RPS6KA3: variants seen among roughly 807,000 people sequenced by gnomAD.
The protein encoded by RPS6KA3 is ribosomal protein S6 kinase A3.
In RPS6KA3, 4 loss-of-function variants were observed where a neutral mutation model predicts 67.2. The observed-to-expected ratio is 0.06, with a 90% CI of 0.03 to 0.14. The LOEUF is 0.14. Ranked by LOEUF, RPS6KA3 falls within the 10% of genes least tolerant of loss-of-function variation. RPS6KA3 has a pLI of 1.00. For missense variants in RPS6KA3, 204 were observed against 559.0 expected (o/e 0.36, Z 6.40); for synonymous variants, 182 against 183.7 (o/e 0.99, Z 0.07).
Position 20,155,330 on chromosome X carries a change from T to C in RPS6KA3, c.*68A>G. Reference sequence around the variant, plus strand: ...TGCTTGCAGGTGTCTCTCAGATACGTGCTACCTGTCGCCAGAACTTGTGCT... The same window carrying C: ...TGCTTGCAGGTGTCTCTCAGATACGCGCTACCTGTCGCCAGAACTTGTGCT... On this transcript the variant is annotated 3_prime_UTR_variant, in exon 22 of 22. Transcript: ENST00000379565. 2.6e-6 allele frequency: 3 copies of C among 1,166,164 alleles called. No homozygotes were observed. The highest frequency in any genetic ancestry group is 3.5e-6 in the Non-Finnish European group (3 of 854,528).
Position 20,173,001 on chromosome X carries a change from T to C in RPS6KA3, c.1228-130A>G, listed in dbSNP as rs1480129937. 4 of 521,968 alleles carry C rather than the reference T, an allele frequency of 7.7e-6. No individual in the cohort carries two copies. The South Asian group carries it at 1.0e-4, about 13-fold the overall frequency. The allele number at this position is 521,968 out of a possible 1,213,427, so 43.0% of individuals were successfully genotyped here. On this transcript the variant is annotated intron_variant, in intron 14 of 21. Coordinates refer to ENST00000379565, the MANE Select transcript of RPS6KA3 (RefSeq NM_004586.3). ...ATGAATAAGAATAAAAATACATCTT[T>C]ATAGTACTTATTATTCTACAAACAA...
At chrX:20,193,627 TTC>T (rs750272858) in intron 6 of RPS6KA3, 34 bp from the exon 7 acceptor site, 2 of 931,299 alleles carry the variant, frequency 2.1e-6, no homozygotes, top group Non-Finnish European at 3.0e-6. Flanking sequence ...TAAATTTATT[TTC>T]TTTTTGTGTC....
At position 20,184,572 on chromosome X, in the gene RPS6KA3, ATTTT is replaced by A. The variant is rs1314648654; in HGVS notation, c.845+1720_845+1723del. 2.8e-5 allele frequency among the ~76,000 whole-genome samples: 3 copies of A among 106,625 alleles called. No individual in the cohort carries two copies. The East Asian group carries it at 8.9e-4, about 32-fold the overall frequency. 92.6% of individuals were successfully genotyped at this position (106,625 alleles called of 115,157 possible). A position where few individuals can be genotyped will look rare whatever the true frequency, so the allele number is the denominator to read the frequency against. On this transcript the variant is annotated intron_variant, in intron 10 of 21. Transcript: ENST00000379565. Reference sequence around the variant, plus strand: ...TGGCACGTGCCACCACATCTGGCTAATTTTTTTATCTTTTATTTTTGTAGAGATG... The same window carrying A: ...TGGCACGTGCCACCACATCTGGCTAATTTATCTTTTATTTTTGTAGAGATG...
rs192704561 is a variant in RPS6KA3 at position 20,225,205 on chromosome X, A to G, written c.126+9553T>C. ...TGGGTCAGAGGCACCATAGGAGGGA[A>G]GGTAAGCCATGATAAAAAGGGGAGG... On this transcript the variant is annotated intron_variant, in intron 2 of 21. Coordinates refer to ENST00000379565, the MANE Select transcript of RPS6KA3 (RefSeq NM_004586.3). Among the ~76,000 whole-genome samples, 98 of 106,888 alleles carry G rather than the reference A, an allele frequency of 9.2e-4. 2 individuals are homozygous for G. Among genetic ancestry groups the G allele is most frequent in the Admixed American group, 4.6e-3 (46 of 10,019 alleles). The allele number at this position is 106,888 out of a possible 115,157, so 92.8% of individuals were successfully genotyped here.
intron 1 of RPS6KA3, among the ~76,000 whole-genome samples, chrX:20,248,052 A>G (rs2069749542): frequency 9.0e-6 from 1 of 111,381 alleles, no homozygotes; most frequent in Non-Finnish European, 1.9e-5. Flanking sequence ...ATTATGAATG[A>G]GATCTTTTTT....
intron 1 of RPS6KA3, among the ~76,000 whole-genome samples, chrX:20,265,328 C>A (rs923438674): frequency 8.9e-6 from 1 of 111,771 alleles, no homozygotes; most frequent in Non-Finnish European, 1.9e-5. Context: ...TGTCCCGCAT[C>A]TCAAGATTAA....
intron 2 of RPS6KA3, among the ~76,000 whole-genome samples, chrX:20,223,726 G>A (rs1268742066): frequency 9.0e-6 from 1 of 111,730 alleles, no homozygotes; most frequent in Non-Finnish European, 1.9e-5. Flanking sequence ...TTATTTTGAA[G>A]CAAATCTCAG....
At chrX:20,267,032 G>A, upstream of RPS6KA3, 1 of 754,020 alleles carries the variant, frequency 1.3e-6, no homozygotes, top group Non-Finnish European at 1.6e-6. Flanking sequence ...TGGCGCCTAA[G>A]CGATACCTGT....
intron 1 of RPS6KA3, among the ~76,000 whole-genome samples, chrX:20,239,093 C>A (rs1245755684): frequency 9.0e-6 from 1 of 111,217 alleles, no homozygotes; most frequent in African/African-American, 3.3e-5. Flanking sequence ...CACATTTAAA[C>A]CCCAATTCTG....
chrX:20,234,157 A>T lies in RPS6KA3; in HGVS notation c.126+601T>A, dbSNP rs190535291. Among the ~76,000 whole-genome samples, 181 of 112,592 alleles carry T rather than the reference A, an allele frequency of 1.6e-3. 1 individual carries two copies. The highest frequency in any genetic ancestry group is 9.2e-3 in the Middle Eastern group (2 of 218). The stretch of plus-strand genomic sequence containing the variant: ...TTTTGTCTTTAACAAATTTACGTTC[A>T]ATTTGGTTATTTAAAAACATAAGCT... On this transcript the variant is annotated intron_variant, in intron 2 of 21. Transcript: ENST00000379565.
At chrX:20,253,015 C>G (rs1460799387) in intron 1 of RPS6KA3, among the ~76,000 whole-genome samples, 1 of 110,849 alleles carries the variant, frequency 9.0e-6, no homozygotes, top group Non-Finnish European at 1.9e-5. Context: ...GCTACTAGAC[C>G]CCACTGCTGC....
chrX:20,256,838 T>TTATA (rs930058677), intron 1 of RPS6KA3, among the ~76,000 whole-genome samples: 2 of 111,855 alleles, frequency 1.8e-5, no homozygotes, highest in Non-Finnish European at 3.8e-5. Flanking sequence ...ATACATATAT[T>TTATA]TATATATGTG....
chrX:20,220,225 C>T (rs187367572), intron 2 of RPS6KA3, among the ~76,000 whole-genome samples: 197 of 111,461 alleles, frequency 1.8e-3, no homozygotes, highest in South Asian at 7.8e-3. Flanking sequence ...AAAAACCTTG[C>T]TCAATTTAAA....
chrX:20,235,226 A>G (rs772098076), intron 1 of RPS6KA3, among the ~76,000 whole-genome samples: 9 of 111,165 alleles, frequency 8.1e-5, no homozygotes, highest in African/African-American at 2.9e-4. Flanking sequence ...ATTAAGCCCA[A>G]TCTCTACATC....
intron 2 of RPS6KA3, among the ~76,000 whole-genome samples, chrX:20,224,204 G>C (rs1274771559): frequency 1.8e-5 from 2 of 111,258 alleles, no homozygotes; most frequent in Admixed American, 1.9e-4. Context: ...TGATGTTGGT[G>C]GACGCATAAC....
intron 1 of RPS6KA3, among the ~76,000 whole-genome samples, chrX:20,264,946 C>G (rs2070332432): frequency 8.9e-6 from 1 of 112,131 alleles, no homozygotes; most frequent in Non-Finnish European, 1.9e-5. Flanking sequence ...TTCACACTAC[C>G]CATCTAAAGG....
chrX:20,224,573 T>G (rs2069064628), intron 2 of RPS6KA3, among the ~76,000 whole-genome samples: 1 of 111,769 alleles, frequency 8.9e-6, no homozygotes, highest in Non-Finnish European at 1.9e-5. Context: ...AAGATTTAAT[T>G]TATAAGGATT....
intron 3 of RPS6KA3, among the ~76,000 whole-genome samples, chrX:20,208,774 A>G (rs1282363918): frequency 1.8e-5 from 2 of 111,698 alleles, no homozygotes; most frequent in Non-Finnish European, 1.9e-5. Flanking sequence ...ATTAAAAACA[A>G]ACACGATGTT....
At chrX:20,210,509 A>G (rs1283144507) in intron 2 of RPS6KA3, among the ~76,000 whole-genome samples, 2 of 111,629 alleles carry the variant, frequency 1.8e-5, no homozygotes. Flanking sequence ...AATGCTGGCA[A>G]TATAAGGAAT....
Sources: gnomAD v4.1 joint callset for allele counts (sites outside exome capture counted in the v4.1 genomes callset) on GRCh38, gnomAD v4.1.1 for gene constraint, MANE v1.5 for transcripts, NCBI Gene and HGNC (gene_info 2026-07-23, HGNC 2026-07-21) for gene names.